The following SLC2A11 variants were observed in gnomAD, a reference collection of about 807,000 sequenced individuals.
SLC2A11 encodes the protein solute carrier family 2, facilitated glucose transporter member 11.
SLC2A11 carries 43 observed loss-of-function variants against 52.1 expected under a neutral mutation model. That is an observed-to-expected ratio of 0.82 (90% CI 0.65 to 1.06). SLC2A11 has a LOEUF of 1.06. SLC2A11 is among the 50% of genes least tolerant of loss of function. The probability of loss-of-function intolerance (pLI) is 0.00; values close to 1 mark genes in which losing one functional copy is unlikely to be tolerated. For synonymous variants in SLC2A11, 261 were observed against 277.6 expected (o/e 0.94, Z 0.59); for missense variants, 582 against 654.2 (o/e 0.89, Z 1.20).
At position 23,885,137 on chromosome 22, in the gene SLC2A11, G is replaced by A. The variant is rs924550383; in HGVS notation, c.*288G>A. The A allele has an allele frequency of 2.0e-6, 1 of 510,120 alleles. No homozygotes were observed. The highest frequency in any genetic ancestry group is 3.4e-6 in the Non-Finnish European group (1 of 293,012). The allele number at this position is 510,120 out of a possible 1,614,324, so 31.6% of individuals were successfully genotyped here. On this transcript the variant is annotated 3_prime_UTR_variant, in exon 12 of 12. Transcript: ENST00000316185. Reference sequence around the variant, plus strand: ...GGAGGCCAAGGTGGGAGGATCAATTGAGGCCAGAGTTTGAAACCAGCCTAG... The same window carrying A: ...GGAGGCCAAGGTGGGAGGATCAATTAAGGCCAGAGTTTGAAACCAGCCTAG...
At position 23,882,225 on chromosome 22, in the gene SLC2A11, CAGAG is replaced by C. The variant is rs200135136; in HGVS notation, c.695-230_695-227del. Reference sequence around the variant, plus strand: ...ACACACACACACACAGACACAGAGACAGAGAGATTGAGAGGCAGAGAGAGAAACA... The same window carrying C: ...ACACACACACACACAGACACAGAGACAGATTGAGAGGCAGAGAGAGAAACA... On this transcript the variant is annotated intron_variant, in intron 6 of 11. Transcript: ENST00000316185. 7.0e-4 allele frequency: 374 copies of C among 534,798 alleles called. 4 individuals are homozygous for C. In the East Asian group the frequency reaches 0.011, roughly 16 times the overall value. The allele number at this position is 534,798 out of a possible 1,614,324, so 33.1% of individuals were successfully genotyped here.
chr22:23,883,674 TCCA>T, intron 8 of SLC2A11, 95 bp from the exon 9 acceptor site: 2 of 1,006,200 alleles, frequency 2.0e-6, no homozygotes, highest in Non-Finnish European at 2.8e-6. Flanking sequence ...TACCCTCACC[TCCA>T]CCACCAGCTT....
chr22:23,857,682 C>T, upstream of SLC2A11: 1 of 1,139,340 alleles, frequency 8.8e-7, no homozygotes, highest in African/African-American at 1.6e-5. Context: ...CCTCAGGCGC[C>T]CTCCGCGACA....
chr22:23,865,540 AG>A (rs2032233168), intron 2 of SLC2A11: 1 of 152,328 alleles, frequency 6.6e-6, no homozygotes, highest in Non-Finnish European at 1.5e-5. Flanking sequence ...TGAGGCAGAA[AG>A]GTTGGACTCA....
At chr22:23,876,795 G>T (rs1294936753) in intron 4 of SLC2A11, among the ~76,000 whole-genome samples, 1 of 152,172 alleles carries the variant, frequency 6.6e-6, no homozygotes, top group Non-Finnish European at 1.5e-5. Flanking sequence ...TGTGGCCAGG[G>T]ACCAGGATGG....
Position 23,863,150 on chromosome 22 carries a change from A to G in SLC2A11, c.129+948A>G, listed in dbSNP as rs1157017035. Among the ~76,000 whole-genome samples the G allele has an allele frequency of 2.0e-5, 3 of 152,210 alleles. No homozygotes were observed. The East Asian group carries it at 5.8e-4, about 29-fold the overall frequency. On this transcript the variant is annotated intron_variant, in intron 2 of 11. Transcript: ENST00000316185. Reference sequence around the variant, plus strand: ...GTTAAGTATAGTTCCTCAAATACCTATGACACAGCCCTTCCTCTAAGCCTC... The same window carrying G: ...GTTAAGTATAGTTCCTCAAATACCTGTGACACAGCCCTTCCTCTAAGCCTC...
chr22:23,877,241 G>A (rs1601506709), intron 5 of SLC2A11, 70 bp downstream of exon 5: 5 of 1,569,836 alleles, frequency 3.2e-6, no homozygotes, highest in Non-Finnish European at 4.3e-6. Flanking sequence ...TCACCTAAAT[G>A]TCTCCCCTAC....
At position 23,877,944 on chromosome 22, in the gene SLC2A11, T is replaced by C. The variant is rs954269548; in HGVS notation, c.694+75T>C. 7 of 1,454,204 alleles carry C rather than the reference T, an allele frequency of 4.8e-6. No individual in the cohort carries two copies. In the African/African-American group the frequency reaches 8.6e-5, roughly 18 times the overall value. The allele number at this position is 1,454,204 out of a possible 1,614,324, so 90.1% of individuals were successfully genotyped here. On this transcript the variant is annotated intron_variant, in intron 6 of 11. Transcript: ENST00000316185. ...TCTCCCCAGAGTATACGGGTCCCCA[T>C]TTCATAGGTTTCATTTATCAAGGAA...
chr22:23,870,296 A>G (rs1196429237), intron 3 of SLC2A11: 4 of 497,404 alleles, frequency 8.0e-6, no homozygotes, highest in Non-Finnish European at 1.4e-5. Flanking sequence ...ATGTATGCCT[A>G]TTGTAATTAA....
At chr22:23,857,358 C>A, upstream of SLC2A11, 1 of 1,467,232 alleles carries the variant, frequency 6.8e-7, no homozygotes, top group Non-Finnish European at 9.3e-7. Flanking sequence ...CTGGCACTTG[C>A]GAGGGCGAAT....
intron 1 of SLC2A11, among the ~76,000 whole-genome samples, chr22:23,858,393 G>T (rs1312092965): frequency 6.7e-6 from 1 of 150,020 alleles, no homozygotes; most frequent in African/African-American, 2.5e-5. Context: ...TCCTCCTCAT[G>T]CTCCCTCAGC....
In SLC2A11 at chr22:23,883,086, C is replaced by T. The variant is rs1433376312; in HGVS notation, c.993+217C>T. On this transcript the variant is annotated intron_variant, in intron 8 of 11. Coordinates refer to ENST00000316185, the MANE Select transcript of SLC2A11 (RefSeq NM_001024939.4). Reference sequence around the variant, plus strand: ...CCAGCCTGGCCAACACAGTGAAACCCCCGTCTCTACTAAAAAATACAAAAA... The same window carrying T: ...CCAGCCTGGCCAACACAGTGAAACCTCCGTCTCTACTAAAAAATACAAAAA... The T allele has an allele frequency of 4.8e-6, 3 of 619,262 alleles. No individual in the cohort carries two copies. In the African/African-American group the frequency reaches 5.5e-5, roughly 11 times the overall value. 38.4% of individuals were successfully genotyped at this position (619,262 alleles called of 1,614,324 possible). A position where few individuals can be genotyped will look rare whatever the true frequency, so the allele number is the denominator to read the frequency against.
In SLC2A11 at chr22:23,886,047, A is replaced by G. The variant is rs1212600708; in HGVS notation, c.*1198A>G. ...GAACCACTGACCTGCTTTCTGCCTC[A>G]ATTGGTCAGATTTGCCTTTTTTCAG... On this transcript the variant is annotated 3_prime_UTR_variant, in exon 12 of 12. Transcript: ENST00000316185. The G allele has an allele frequency of 1.3e-5, 2 of 152,134 alleles. No homozygotes were observed. The highest frequency in any genetic ancestry group is 2.9e-5 in the Non-Finnish European group (2 of 68,028). 9.4% of individuals were successfully genotyped at this position (152,134 alleles called of 1,614,324 possible). A position where few individuals can be genotyped will look rare whatever the true frequency, so the allele number is the denominator to read the frequency against.
At chr22:23,874,897 A>G (rs1044651784) in intron 3 of SLC2A11, among the ~76,000 whole-genome samples, 1 of 152,182 alleles carries the variant, frequency 6.6e-6, no homozygotes, top group African/African-American at 2.4e-5. Flanking sequence ...ATTTTTACAG[A>G]TATTTTAAAA....
chr22:23,857,060 AAG>A, upstream of SLC2A11: 58 of 598,040 alleles, frequency 9.7e-5, no homozygotes, highest in Middle Eastern at 3.0e-4. Flanking sequence ...ACCTGAACCA[AAG>A]TGTGTGTGTG....
chr22:23,874,791 ATGTTGACCT>A lies in SLC2A11; in HGVS notation c.291-325_291-317del, dbSNP rs138660352. Among the ~76,000 whole-genome samples the A allele has an allele frequency of 5.1e-3, 780 of 151,932 alleles. 7 individuals carry two copies. Among genetic ancestry groups the A allele is most frequent in the African/African-American group, 0.018 (749 of 41,428 alleles). On this transcript the variant is annotated intron_variant, in intron 3 of 11. Transcript: ENST00000316185. ...TTTTTTGTAGAGATAGGGTTTCATC[ATGTTGACCT>A]GCCTGGTCTCCTGGGATCAGGTGAT...
At position 23,857,993 on chromosome 22, in the gene SLC2A11, C is replaced by A; in HGVS notation, c.-7C>A. 6.3e-7 allele frequency: 1 copy of A among 1,590,288 alleles called. No homozygotes were observed. Among genetic ancestry groups the A allele is most frequent in the Non-Finnish European group, 8.6e-7 (1 of 1,169,180 alleles). On this transcript the variant is annotated 5_prime_UTR_variant, in exon 1 of 12. Transcript: ENST00000316185. Reference sequence around the variant, plus strand: ...CAGCAAGACCTCCGCTCAGGCCCCTCTTTCGAATGCTCCACGCCCTCCTGC... The same window carrying A: ...CAGCAAGACCTCCGCTCAGGCCCCTATTTCGAATGCTCCACGCCCTCCTGC...
chr22:23,857,736 G>A (rs778007384), upstream of SLC2A11: 392 of 1,293,544 alleles, frequency 3.0e-4, no homozygotes, highest in Non-Finnish European at 2.8e-4. Flanking sequence ...TTGAGTCTCA[G>A]GCCTTAGTCC....
intron 4 of SLC2A11, among the ~76,000 whole-genome samples, 164 bp from the exon 5 acceptor site, chr22:23,876,878 G>A (rs1403821141): frequency 1.3e-5 from 2 of 152,144 alleles, no homozygotes; most frequent in African/African-American, 2.4e-5. Flanking sequence ...CCTTCATCAG[G>A]TGAAGCAGAA....
Sources: allele counts gnomAD v4.1 joint callset (sites outside exome capture counted in the v4.1 genomes callset), GRCh38; gene constraint gnomAD v4.1.1; transcripts MANE v1.5; gene names NCBI Gene and HGNC (gene_info 2026-07-23, HGNC 2026-07-21).